The following DIDO1 variants were observed in gnomAD, a reference collection of about 807,000 sequenced individuals.
The protein encoded by DIDO1 is death inducer-obliterator 1, also known as death-inducer obliterator 1.
In DIDO1, 16 loss-of-function variants were observed where a neutral mutation model predicts 99.4. The observed-to-expected ratio is 0.16, with a 90% CI of 0.11 to 0.24. DIDO1 has a LOEUF of 0.24. Among genes scored for constraint, DIDO1 ranks in the 10% least tolerant of loss-of-function variants. The probability of loss-of-function intolerance (pLI) is 1.00; values close to 1 mark genes in which losing one functional copy is unlikely to be tolerated. For missense variants in DIDO1, 2,996 were observed against 3,014.0 expected (o/e 0.99, Z 0.14); for synonymous variants, 1,366 against 1,239.1 (o/e 1.10, Z -2.15).
chr20:62,897,175 G>A (rs1307429566), intron 6 of DIDO1, among the ~76,000 whole-genome samples, 179 bp from the exon 7 acceptor site: 1 of 152,208 alleles, frequency 6.6e-6, no homozygotes, highest in African/African-American at 2.4e-5. Context: ...AGGGAGGACC[G>A]CCAGCAGCAT....
chr20:62,936,555 A>G (rs2147619526), intron 1 of DIDO1, among the ~76,000 whole-genome samples: 1 of 150,294 alleles, frequency 6.7e-6, no homozygotes, highest in African/African-American at 2.5e-5. Flanking sequence ...ACTCCTTCTC[A>G]AAAAATAGAA....
chr20:62,893,573 T>C, intron 12 of DIDO1, 93 bp downstream of exon 12: 1 of 1,408,582 alleles, frequency 7.1e-7, no homozygotes. Flanking sequence ...CAGGTTACAT[T>C]TCCAAGTTCA....
In DIDO1 at chr20:62,891,390, G is replaced by A. The variant is rs181599986; in HGVS notation, c.3346-235C>T. ...CGGCCCCGGTCACGAGGAACCAGCT[G>A]CATGATCTGCAATGGCTGTCTGTGC... On this transcript the variant is annotated intron_variant, in intron 14 of 15. Coordinates refer to ENST00000395343, the MANE Select transcript of DIDO1 (RefSeq NM_001193369.2). 1.8e-4 allele frequency among the ~76,000 whole-genome samples: 27 copies of A among 152,308 alleles called. No individual in the cohort carries two copies. The East Asian group carries it at 5.0e-3, about 28-fold the overall frequency.
intron 1 of DIDO1, among the ~76,000 whole-genome samples, chr20:62,933,697 T>C (rs996768956): frequency 7.9e-5 from 12 of 152,116 alleles, no homozygotes; most frequent in African/African-American, 2.9e-4. Context: ...TAGTGAGACC[T>C]CTCCTCTACA....
intron 6 of DIDO1, among the ~76,000 whole-genome samples, chr20:62,899,779 C>G (rs1555844232): frequency 6.6e-6 from 1 of 152,126 alleles, no homozygotes; most frequent in Non-Finnish European, 1.5e-5. Flanking sequence ...CCTCTGGGAG[C>G]AGTGTCCTAC....
intron 6 of DIDO1, chr20:62,905,445 C>T (rs1020701557): frequency 5.3e-6 from 8 of 1,518,108 alleles, no homozygotes; most frequent in Non-Finnish European, 6.2e-6. Flanking sequence ...AGAAGTGATG[C>T]TTTCATGTGC....
At chr20:62,912,758 C>G (rs2064970114) in intron 2 of DIDO1, among the ~76,000 whole-genome samples, 1 of 152,182 alleles carries the variant, frequency 6.6e-6, no homozygotes, top group Non-Finnish European at 1.5e-5. Flanking sequence ...GGGGCCGGGC[C>G]TGGTGGCTCA....
At position 62,894,307 on chromosome 20, in the gene DIDO1, C is replaced by T; in HGVS notation, c.2572+106G>A. ...AGGGCAGGAAATCATTCTGGCCCTT[C>T]TGCGTGTTTAAGCTTACGTGCGGTT... On this transcript the variant is annotated intron_variant, in intron 11 of 15. Transcript: ENST00000395343. The surrounding 1 kb of genome is among the most constrained non-coding windows in gnomAD (Gnocchi z 4.4). 1 of 1,575,400 alleles carries T rather than the reference C, an allele frequency of 6.3e-7. No individual in the cohort carries two copies. The highest frequency in any genetic ancestry group is 8.6e-7 in the Non-Finnish European group (1 of 1,160,748).
chr20:62,879,556 C>A lies in DIDO1; in HGVS notation c.6400G>T (p.Glu2134Ter). ...SRERDWDRPR[E>*]WDRHRDKDSS... Reference sequence around the variant, plus strand: ...TCCTTGTCCCGGTGTCGGTCCCACTCCCGGGGCCGGTCCCAGTCCCGCTCT... The same window carrying A: ...TCCTTGTCCCGGTGTCGGTCCCACTACCGGGGCCGGTCCCAGTCCCGCTCT... Residue 2134 changes from glutamate to a stop codon, truncating the protein, a stop_gained, in exon 16 of 16, where the codon GAG (glutamate) becomes TAG (stop). Coordinates refer to ENST00000395343, the MANE Select transcript of DIDO1 (RefSeq NM_001193369.2). LOFTEE classifies it low-confidence loss of function (END_TRUNC). The surrounding 1 kb of genome is among the most constrained non-coding windows in gnomAD (Gnocchi z 6.3). 2 of 1,601,242 alleles carry A rather than the reference C, an allele frequency of 1.2e-6. No individual in the cohort carries two copies. The highest frequency in any genetic ancestry group is 1.7e-6 in the Non-Finnish European group (2 of 1,179,442).
intron 2 of DIDO1, among the ~76,000 whole-genome samples, chr20:62,912,742 C>G (rs1454540912): frequency 1.3e-5 from 2 of 152,164 alleles, no homozygotes; most frequent in Non-Finnish European, 2.9e-5. Context: ...AAAAAATATA[C>G]AAAATGGGGC....
chr20:62,885,281 G>C (rs555966824), intron 15 of DIDO1, among the ~76,000 whole-genome samples: 2 of 152,258 alleles, frequency 1.3e-5, no homozygotes, highest in East Asian at 3.9e-4. Flanking sequence ...GTGGGGCCTC[G>C]TGTGGGGAAG....
intron 15 of DIDO1, chr20:62,888,338 G>T: frequency 3.0e-6 from 3 of 985,532 alleles, no homozygotes; most frequent in South Asian, 9.4e-5. Flanking sequence ...ATCCCCAGGG[G>T]AAGATGCTCC....
At chr20:62,886,786 TCACAC>T (rs1424634177) in intron 15 of DIDO1, among the ~76,000 whole-genome samples, 2 of 152,232 alleles carry the variant, frequency 1.3e-5, no homozygotes, top group Admixed American at 1.3e-4. Context: ...AACAAAATGT[TCACAC>T]CTGCTGGAAC....
chr20:62,928,065 G>A (rs1046642790), upstream of DIDO1, among the ~76,000 whole-genome samples: 2 of 152,158 alleles, frequency 1.3e-5, no homozygotes, highest in African/African-American at 4.8e-5. Flanking sequence ...CCTACAAGAG[G>A]CTCTCTCTAA....
rs2064217197 is a variant in DIDO1 at position 62,882,070 on chromosome 20, C to G, written c.3886G>C (p.Ala1296Pro). 1 of 1,613,494 alleles carries G rather than the reference C, an allele frequency of 6.2e-7. No individual in the cohort carries two copies. Among genetic ancestry groups the G allele is most frequent in the African/African-American group, 1.3e-5 (1 of 74,920 alleles). ...GCGGTGGAGGAAGCTGCCGTGGAGG[C>G]TGCCGCTGCTGTTGTGGCTGCTGTG... The part of the protein sequence containing the change: ...PATAATTAAA[A>P]STAASSTASS... Residue 1296 changes from alanine (A) to proline (P), a missense_variant, in exon 16 of 16, where the codon GCC (alanine) becomes CCC (proline). By Grantham distance (27) the Ala-to-Pro change is conservative. Coordinates refer to ENST00000395343, the MANE Select transcript of DIDO1 (RefSeq NM_001193369.2).
At chr20:62,926,339 G>C (rs941335037) in intron 1 of DIDO1, 100 bp downstream of exon 1, 3 of 151,752 alleles carry the variant, frequency 2.0e-5, no homozygotes, top group Non-Finnish European at 4.4e-5. Context: ...CGCGGCTCTC[G>C]CCAGCCGGGC....
Position 62,889,204 on chromosome 20 carries a change from G to C in DIDO1, c.3541+1756C>G, listed in dbSNP as rs2064349808. Reference sequence around the variant, plus strand: ...TCCCGGTGCCATCCGGGAGGTGCTGGGAGACCTGTCCTTTCCCTCTGCCCC... The same window carrying C: ...TCCCGGTGCCATCCGGGAGGTGCTGCGAGACCTGTCCTTTCCCTCTGCCCC... On this transcript the variant is annotated intron_variant, in intron 15 of 15. Coordinates refer to ENST00000395343, the MANE Select transcript of DIDO1 (RefSeq NM_001193369.2). 3 of 985,458 alleles carry C rather than the reference G, an allele frequency of 3.0e-6. No individual in the cohort carries two copies. The African/African-American group carries it at 5.2e-5, about 17-fold the overall frequency. 61.0% of individuals were successfully genotyped at this position (985,458 alleles called of 1,614,324 possible).
At position 62,879,458 on chromosome 20, in the gene DIDO1, G is replaced by A; in HGVS notation, c.6498C>T (p.Gly2166=). 6.4e-7 allele frequency: 1 copy of A among 1,559,944 alleles called. No individual in the cohort carries two copies. The highest frequency in any genetic ancestry group is 8.6e-7 in the Non-Finnish European group (1 of 1,159,364). ...NRDREREADR[G]KEWDRSRERS... is the part of the protein sequence containing the mutation. The stretch of plus-strand genomic sequence containing the variant: ...GCTCCCGGCTGCGGTCCCACTCCTT[G>A]CCCCGGTCGGCCTCGCGCTCTCGGT... Residue 2166 remains glycine, a synonymous_variant, in exon 16 of 16, where the codon GGC becomes GGT. Transcript: ENST00000395343. The surrounding 1 kb of genome is among the most constrained non-coding windows in gnomAD (Gnocchi z 6.3).
chr20:62,922,759 T>C (rs560410383), intron 1 of DIDO1, among the ~76,000 whole-genome samples: 13 of 152,334 alleles, frequency 8.5e-5, no homozygotes, highest in African/African-American at 2.9e-4. Context: ...AAAGGCCCTC[T>C]TAGGCGAGTC....
Sources: allele counts gnomAD v4.1 joint callset (sites outside exome capture counted in the v4.1 genomes callset), GRCh38; gene constraint gnomAD v4.1.1; non-coding constraint Gnocchi (gnomAD v3.1); transcripts MANE v1.5; gene names NCBI Gene and HGNC (gene_info 2026-07-23, HGNC 2026-07-21).